The following SCRN1 variants were observed in gnomAD, a reference collection of about 807,000 sequenced individuals.
SCRN1 encodes secernin-1.
SCRN1 carries 19 observed loss-of-function variants against 43.3 expected under a neutral mutation model. The ratio of observed to expected loss-of-function variants is 0.44; its 90% CI spans 0.31 to 0.64. SCRN1 has a LOEUF of 0.64. SCRN1 is among the 30% of genes least tolerant of loss of function. The probability of loss-of-function intolerance (pLI) is 0.09; values close to 1 mark genes in which losing one functional copy is unlikely to be tolerated. For synonymous variants in SCRN1, 183 were observed against 188.9 expected (o/e 0.97, Z 0.26); for missense variants, 447 against 524.1 (o/e 0.85, Z 1.44).
At chr7:29,986,565 T>C (rs1789160631) in intron 1 of SCRN1, among the ~76,000 whole-genome samples, 1 of 151,016 alleles carries the variant, frequency 6.6e-6, no homozygotes, top group Admixed American at 6.6e-5. Context: ...AAAACGGATT[T>C]AAAAAAAAAT....
In SCRN1 at chr7:29,923,834, G is replaced by C; in HGVS notation, c.*123C>G. The C allele has an allele frequency of 9.5e-7, 1 of 1,052,528 alleles. No individual in the cohort carries two copies. Among genetic ancestry groups the C allele is most frequent in the East Asian group, 2.4e-5 (1 of 41,618 alleles). 65.2% of individuals were successfully genotyped at this position (1,052,528 alleles called of 1,614,324 possible). A position where few individuals can be genotyped will look rare whatever the true frequency, so the allele number is the denominator to read the frequency against. ...GAACACAAGGTAACAGTTTGATCTG[G>C]CTTCAGAAAAGGAGGCCACATATTA... On this transcript the variant is annotated 3_prime_UTR_variant, in exon 8 of 8. Coordinates refer to ENST00000242059, the MANE Select transcript of SCRN1 (RefSeq NM_014766.5).
At chr7:29,940,183 T>C (rs183765937) in intron 5 of SCRN1, among the ~76,000 whole-genome samples, 132 of 151,376 alleles carry the variant, frequency 8.7e-4, no homozygotes, top group South Asian at 2.5e-3. Context: ...AACAAACAAA[T>C]AAATAAATAA....
intron 2 of SCRN1, among the ~76,000 whole-genome samples, chr7:29,959,372 T>A (rs1197562898): frequency 6.6e-6 from 1 of 152,216 alleles, no homozygotes; most frequent in Non-Finnish European, 1.5e-5. Flanking sequence ...GAAGCATTAA[T>A]AACTATCACT....
At chr7:29,955,970 A>C (rs1054789198) in intron 2 of SCRN1, among the ~76,000 whole-genome samples, 3 of 152,238 alleles carry the variant, frequency 2.0e-5, no homozygotes, top group Non-Finnish European at 4.4e-5. Flanking sequence ...TGAGGTGGAC[A>C]CAGAAGGAAA....
intron 4 of SCRN1, among the ~76,000 whole-genome samples, chr7:29,941,464 T>C (rs1441760371): frequency 6.6e-6 from 1 of 152,152 alleles, no homozygotes; most frequent in Non-Finnish European, 1.5e-5. Context: ...ATTTAGAAAA[T>C]CATAGTGGCA....
intron 1 of SCRN1, chr7:29,989,040 G>A (rs1035427178): frequency 1.6e-4 from 25 of 152,086 alleles, no homozygotes; most frequent in African/African-American, 5.6e-4. Flanking sequence ...GAGGGAAGTT[G>A]TGTCAAGTCC....
At position 29,924,112 on chromosome 7, in the gene SCRN1, G is replaced by C; in HGVS notation, c.1090C>G (p.Gln364Glu). ...ARAIIESDQEQGRKLRSTMLE... is the reference protein window; with the variant it reads ...ARAIIESDQEEGRKLRSTMLE... ...ATGGTGCTCCTCAGCTTGCGACCTT[G>C]CTCCTGAGGAAGGACACGACTGCTT... The change falls in exon 8 of 8, where the codon CAA (glutamine) becomes GAA (glutamate). Residue 364 changes from glutamine to glutamate, a missense_variant. Gln to Glu is a conservative substitution (Grantham distance 29). Coordinates refer to ENST00000242059, the MANE Select transcript of SCRN1 (RefSeq NM_014766.5). The C allele has an allele frequency of 6.2e-7, 1 of 1,610,002 alleles. No homozygotes were observed.
chr7:29,926,614 G>C lies in SCRN1; in HGVS notation c.924C>G (p.Phe308Leu). The change falls in exon 7 of 8, where the codon TTC becomes TTG. Residue 308 changes from phenylalanine (F) to leucine (L), a missense_variant. Coordinates refer to ENST00000242059, the MANE Select transcript of SCRN1 (RefSeq NM_014766.5). ...CAAGTTTTACGTCATCAACAAAGATGAAAGGCTTGAATATGGACCTGGAGA... is the reference window on the plus strand; with the variant it reads ...CAAGTTTTACGTCATCAACAAAGATCAAAGGCTTGAATATGGACCTGGAGA... ...PDPSRSIFKP[F>L]IFVDDVKLVP... The C allele has an allele frequency of 6.2e-7, 1 of 1,614,052 alleles. No homozygotes were observed. The highest frequency in any genetic ancestry group is 8.5e-7 in the Non-Finnish European group (1 of 1,179,990).
intron 5 of SCRN1, among the ~76,000 whole-genome samples, chr7:29,937,412 G>A (rs185608133): frequency 2.5e-4 from 38 of 152,316 alleles, no homozygotes; most frequent in African/African-American, 8.2e-4. Flanking sequence ...TGGACTGGCC[G>A]TATATACCTG....
chr7:29,924,257 A>G, intron 7 of SCRN1, 142 bp from the exon 8 acceptor site: 2 of 766,444 alleles, frequency 2.6e-6, no homozygotes, highest in South Asian at 1.9e-5. Flanking sequence ...CGACTGCCGC[A>G]GGGATTGTTC....
Position 29,924,033 on chromosome 7 carries a change from G to A in SCRN1, c.1169C>T (p.Ser390Phe). ...LEAMEEILTS[S>F]EPLDPAEVGD... is the part of the protein sequence containing the mutation. ...CACTTCCGCAGGGTCCAGTGGCTCGGAGCTGGTCAGGATTTCTTCCATGGC... is the reference window on the plus strand; with the variant it reads ...CACTTCCGCAGGGTCCAGTGGCTCGAAGCTGGTCAGGATTTCTTCCATGGC... Residue 390 changes from serine to phenylalanine, a missense_variant, in exon 8 of 8, where the codon TCC (serine) becomes TTC (phenylalanine). Transcript: ENST00000242059. The A allele has an allele frequency of 6.2e-7, 1 of 1,614,162 alleles. No individual in the cohort carries two copies. Among genetic ancestry groups the A allele is most frequent in the Non-Finnish European group, 8.5e-7 (1 of 1,180,034 alleles).
In SCRN1 at chr7:29,928,186, G is replaced by A. The variant is rs555245871; in HGVS notation, c.906-1554C>T. On this transcript the variant is annotated intron_variant, in intron 6 of 7. Coordinates refer to ENST00000242059, the MANE Select transcript of SCRN1 (RefSeq NM_014766.5). ...TATGCCATGACCTGAAAAGGACTGG[G>A]AGCCAATAACCCTTGCCAGCCAATT... Among the ~76,000 whole-genome samples, 5 of 152,228 alleles carry A rather than the reference G, an allele frequency of 3.3e-5. No individual in the cohort carries two copies. The South Asian group carries it at 1.0e-3, about 32-fold the overall frequency.
rs187900178 is a variant in SCRN1, at chr7:29,950,111, T to C, written c.341+5068A>G. On this transcript the variant is annotated intron_variant, in intron 3 of 7. Coordinates refer to ENST00000242059, the MANE Select transcript of SCRN1 (RefSeq NM_014766.5). The surrounding 1 kb of genome is among the most constrained non-coding windows in gnomAD (Gnocchi z 4.5). Reference sequence around the variant, plus strand: ...GGCACAGCTGCAGCTGCTCTGGACCTGGGCATCCCTGCACTCTCAGGAGCC... The same window carrying C: ...GGCACAGCTGCAGCTGCTCTGGACCCGGGCATCCCTGCACTCTCAGGAGCC... Among the ~76,000 whole-genome samples the C allele has an allele frequency of 6.6e-6, 1 of 152,328 alleles. No homozygotes were observed. The highest frequency in any genetic ancestry group is 1.5e-5 in the Non-Finnish European group (1 of 68,018).
At chr7:29,939,526 G>A (rs980473936) in intron 5 of SCRN1, among the ~76,000 whole-genome samples, 1 of 152,124 alleles carries the variant, frequency 6.6e-6, no homozygotes, top group Non-Finnish European at 1.5e-5. Context: ...AATATTTTAG[G>A]TTTATGGGCC....
Position 29,980,120 on chromosome 7 carries a change from T to C in SCRN1, c.-2+9522A>G, listed in dbSNP as rs114625415. Among the ~76,000 whole-genome samples the C allele has an allele frequency of 6.3e-3, 957 of 152,204 alleles. 12 individuals carry two copies. Among genetic ancestry groups the C allele is most frequent in the African/African-American group, 0.022 (926 of 41,520 alleles). On this transcript the variant is annotated intron_variant, in intron 1 of 7. Coordinates refer to ENST00000242059, the MANE Select transcript of SCRN1 (RefSeq NM_014766.5). ...ATGGGGCCATGTCAACCATGTACAG[T>C]TATGAGGATTACATGAGATAATATA...
intron 1 of SCRN1, among the ~76,000 whole-genome samples, chr7:29,978,548 C>CA (rs1194854461): frequency 9.8e-5 from 15 of 152,328 alleles, no homozygotes; most frequent in African/African-American, 3.4e-4. Flanking sequence ...ACTTTAGAGA[C>CA]ACCAGGCCCT....
At chr7:29,982,682 CAAAAAAA>C (rs10538004) in intron 1 of SCRN1, among the ~76,000 whole-genome samples, 1 of 64,746 alleles carries the variant, frequency 1.5e-5, no homozygotes, top group Non-Finnish European at 3.0e-5. Flanking sequence ...GACCCTGTCT[CAAAAAAA>C]AAAAAAAAAA....
intron 1 of SCRN1, among the ~76,000 whole-genome samples, chr7:29,977,752 A>G (rs574296671): frequency 2.0e-5 from 3 of 152,252 alleles, no homozygotes; most frequent in South Asian, 4.1e-4. Flanking sequence ...ACCTGGGTTC[A>G]AATCTCAGCC....
chr7:29,972,611 T>C, intron 1 of SCRN1, among the ~76,000 whole-genome samples: 1 of 152,216 alleles, frequency 6.6e-6, no homozygotes, highest in South Asian at 2.1e-4. Flanking sequence ...TTTCAAAGTC[T>C]GTTTTAAGAA....
Sources: allele counts gnomAD v4.1 joint callset (sites outside exome capture counted in the v4.1 genomes callset), GRCh38; gene constraint gnomAD v4.1.1; non-coding constraint Gnocchi (gnomAD v3.1); transcripts MANE v1.5; gene names NCBI Gene and HGNC (gene_info 2026-07-23, HGNC 2026-07-21).